The following DLGAP1 variants were observed in gnomAD, a reference collection of about 807,000 sequenced individuals.
DLGAP1 encodes the protein DLG associated protein 1.
DLGAP1 carries 11 observed loss-of-function variants against 90.8 expected under a neutral mutation model. The ratio of observed to expected loss-of-function variants is 0.12; its 90% CI spans 0.08 to 0.20. The LOEUF (loss-of-function observed/expected upper bound fraction) is 0.20. Ranked by LOEUF, DLGAP1 falls within the 10% of genes least tolerant of loss-of-function variation. DLGAP1 has a pLI of 1.00. For missense variants in DLGAP1, 1,050 were observed against 1,333.8 expected (o/e 0.79, Z 3.31); for synonymous variants, 558 against 540.7 (o/e 1.03, Z -0.44).
chr18:3,993,155 C>T (rs1191529864), intron 3 of DLGAP1: 1 of 150,886 alleles, frequency 6.6e-6, no homozygotes, highest in Non-Finnish European at 1.5e-5. Context: ...GATGTGGGTA[C>T]CCAAGCAGGA....
intron 3 of DLGAP1, among the ~76,000 whole-genome samples, chr18:3,881,784 G>A (rs892275601): frequency 1.3e-5 from 2 of 152,114 alleles, no homozygotes; most frequent in African/African-American, 4.8e-5. Context: ...ATGGTGGCAG[G>A]CGCCTGTAGT....
intron 7 of DLGAP1, among the ~76,000 whole-genome samples, chr18:3,718,706 G>A (rs1490465972): frequency 3.4e-5 from 5 of 148,494 alleles, no homozygotes; most frequent in Non-Finnish European, 6.0e-5. Context: ...CGGGTGGATC[G>A]CCTGAGGTCA....
At chr18:3,596,166 C>CT (rs200521771) in intron 7 of DLGAP1, among the ~76,000 whole-genome samples, 2,254 of 146,112 alleles carry the variant, frequency 0.015, 48 homozygotes, top group African/African-American at 0.053. Context: ...TTTTTCTTTT[C>CT]TTTTTTTTTT....
At chr18:4,215,023 G>T (rs2077923613) in intron 1 of DLGAP1, among the ~76,000 whole-genome samples, 1 of 152,066 alleles carries the variant, frequency 6.6e-6, no homozygotes, top group South Asian at 2.1e-4. Context: ...AACTTATCGG[G>T]AAAGCTGAGA....
At chr18:4,169,445 T>C (rs1011732932) in intron 1 of DLGAP1, among the ~76,000 whole-genome samples, 9 of 152,122 alleles carry the variant, frequency 5.9e-5, no homozygotes, top group Admixed American at 1.3e-4. Context: ...TAAATGTCCA[T>C]GTATTAGTTA....
chr18:4,452,709 T>C (rs921540533), intron 1 of DLGAP1, among the ~76,000 whole-genome samples: 6 of 152,182 alleles, frequency 3.9e-5, no homozygotes, highest in Admixed American at 3.3e-4. Context: ...ATCGCTAATA[T>C]GCTTTTACTG....
intron 3 of DLGAP1, among the ~76,000 whole-genome samples, chr18:3,898,016 G>T (rs192634183): frequency 1.8e-4 from 27 of 151,846 alleles, no homozygotes; most frequent in East Asian, 3.9e-4. Flanking sequence ...GGATGGTCTC[G>T]ATCTCCTGAC....
At chr18:3,940,316 G>A (rs1056266992) in intron 3 of DLGAP1, among the ~76,000 whole-genome samples, 1 of 152,184 alleles carries the variant, frequency 6.6e-6, no homozygotes. Context: ...GAGACTCTAA[G>A]CTGGAGCACC....
intron 9 of DLGAP1, among the ~76,000 whole-genome samples, chr18:3,564,602 G>C (rs1389289207): frequency 6.6e-6 from 1 of 152,122 alleles, no homozygotes; most frequent in Non-Finnish European, 1.5e-5. Flanking sequence ...TCACTTTGAG[G>C]ACCTGGTAGA....
At chr18:3,903,492 C>G (rs1400783224) in intron 3 of DLGAP1, among the ~76,000 whole-genome samples, 1 of 152,188 alleles carries the variant, frequency 6.6e-6, no homozygotes, top group Admixed American at 6.5e-5. Context: ...ATGACTAGCA[C>G]AGTATTCATG....
intron 2 of DLGAP1, among the ~76,000 whole-genome samples, chr18:4,068,844 G>A (rs918763048): frequency 2.0e-5 from 3 of 152,180 alleles, no homozygotes; most frequent in African/African-American, 4.8e-5. Flanking sequence ...ATGTCCACGC[G>A]TACAGGTGAG....
At chr18:4,186,361 T>C (rs1238692106) in intron 1 of DLGAP1, among the ~76,000 whole-genome samples, 3 of 152,104 alleles carry the variant, frequency 2.0e-5, no homozygotes, top group Admixed American at 1.3e-4. Context: ...AGTTCCTATA[T>C]CCAGAATGGT....
At chr18:4,079,505 A>G (rs1355967782) in intron 2 of DLGAP1, among the ~76,000 whole-genome samples, 1 of 152,042 alleles carries the variant, frequency 6.6e-6, no homozygotes, top group Non-Finnish European at 1.5e-5. Flanking sequence ...AGGCATAGCG[A>G]GTGGCATAAT....
intron 2 of DLGAP1, among the ~76,000 whole-genome samples, chr18:4,043,203 T>C (rs1946975): frequency 0.84 from 128,113 of 152,034 alleles, 54,282 homozygotes; most frequent in African/African-American, 0.93. Context: ...ATTTCTATAC[T>C]CAGTATAGGC....
intron 1 of DLGAP1, among the ~76,000 whole-genome samples, chr18:4,192,824 C>T (rs903872422): frequency 6.6e-6 from 1 of 151,930 alleles, no homozygotes; most frequent in Admixed American, 6.6e-5. Flanking sequence ...TTTGTAGGCT[C>T]GGGGGGAATT....
At chr18:3,509,586 C>G (rs1388316802) in intron 10 of DLGAP1, among the ~76,000 whole-genome samples, 1 of 152,184 alleles carries the variant, frequency 6.6e-6, no homozygotes, top group Non-Finnish European at 1.5e-5. Flanking sequence ...GAATCAAAAA[C>G]TAGAGCAGGA....
intron 1 of DLGAP1, among the ~76,000 whole-genome samples, chr18:4,428,234 C>T (rs369738394): frequency 7.9e-5 from 12 of 152,204 alleles, no homozygotes; most frequent in East Asian, 7.7e-4. Flanking sequence ...TACCACCACG[C>T]GCCTTGGTCT....
chr18:3,651,438 T>C (rs984686788), intron 7 of DLGAP1, among the ~76,000 whole-genome samples: 1 of 152,158 alleles, frequency 6.6e-6, no homozygotes, highest in Admixed American at 6.5e-5. Flanking sequence ...TCAGCATCTG[T>C]TTATTAAAGG....
At chr18:3,640,177 TA>T (rs2058887630) in intron 7 of DLGAP1, among the ~76,000 whole-genome samples, 1 of 152,040 alleles carries the variant, frequency 6.6e-6, no homozygotes, top group African/African-American at 2.4e-5. Context: ...AATATTTATT[TA>T]AAAAATAGAT....
Sources: gnomAD v4.1 joint callset for allele counts (sites outside exome capture counted in the v4.1 genomes callset) on GRCh38, gnomAD v4.1.1 for gene constraint, MANE v1.5 for transcripts, NCBI Gene and HGNC (gene_info 2026-07-23, HGNC 2026-07-21) for gene names.